Variants in DPP10 observed in about 807,000 individuals in gnomAD.
DPP10 encodes the protein dipeptidyl peptidase like 10.
A neutral mutation model predicts 120.9 loss-of-function variants in DPP10; 33 were observed. The ratio of observed to expected loss-of-function variants is 0.27; its 90% CI spans 0.21 to 0.37. The LOEUF (loss-of-function observed/expected upper bound fraction) is 0.37, where lower values mean the gene tolerates loss of function less well. DPP10 is among the 10% of genes least tolerant of loss of function. DPP10 has a pLI of 1.00. For synonymous variants in DPP10, 337 were observed against 326.1 expected, an observed-to-expected ratio of 1.03 and a Z score of -0.36; for missense variants, 816 against 942.8, an observed-to-expected ratio of 0.87 and a Z score of 1.76.
chr2:115,380,758 A>C (rs1174070322), intron 3 of DPP10, among the ~76,000 whole-genome samples: 1 of 151,738 alleles, frequency 6.6e-6, no homozygotes, highest in East Asian at 1.9e-4. Context: ...GTGGTGACAA[A>C]ATCTCTCAGC....
At chr2:115,838,122 T>A (rs951450341) in intron 24 of DPP10, among the ~76,000 whole-genome samples, 4 of 152,176 alleles carry the variant, frequency 2.6e-5, no homozygotes, top group Non-Finnish European at 4.4e-5. Flanking sequence ...AACTCTGTAC[T>A]ATCTCTGCAA....
intron 5 of DPP10, among the ~76,000 whole-genome samples, chr2:115,545,476 A>C (rs2079443273): frequency 6.6e-6 from 1 of 152,166 alleles, no homozygotes; most frequent in Non-Finnish European, 1.5e-5. Flanking sequence ...ACTGTTATGA[A>C]GATTGGGTCG....
intron 1 of DPP10, among the ~76,000 whole-genome samples, chr2:114,991,037 A>G (rs1700725063): frequency 6.6e-6 from 1 of 152,240 alleles, no homozygotes; most frequent in African/African-American, 2.4e-5. Context: ...CTTAAATAAA[A>G]AAATTAAATA....
At chr2:115,573,584 T>C (rs2081473883) in intron 5 of DPP10, among the ~76,000 whole-genome samples, 4 of 107,392 alleles carry the variant, frequency 3.7e-5, no homozygotes, top group African/African-American at 1.6e-4. Flanking sequence ...GCCCGGCCTT[T>C]TTTTTTTTTT....
rs1030253553 is a variant in DPP10, at chr2:115,334,600, A to G, written c.176-9217A>G. 2.8e-4 allele frequency among the ~76,000 whole-genome samples: 43 copies of G among 152,022 alleles called. 1 individual carries two copies. Among genetic ancestry groups the G allele is most frequent in the Admixed American group, 6.6e-4 (10 of 15,212 alleles). On this transcript the variant is annotated intron_variant, in intron 2 of 25. Coordinates refer to ENST00000410059, the MANE Select transcript of DPP10 (RefSeq NM_020868.6). Reference sequence around the variant, plus strand: ...ATTTTACTATATTTTTCCAATAACTATAAAGAAGCAACTTCATATTGTGTT... The same window carrying G: ...ATTTTACTATATTTTTCCAATAACTGTAAAGAAGCAACTTCATATTGTGTT...
chr2:114,727,552 T>C (rs968614295), intron 1 of DPP10, among the ~76,000 whole-genome samples: 3 of 152,218 alleles, frequency 2.0e-5, no homozygotes, highest in African/African-American at 7.2e-5. Context: ...CCCAAACCAC[T>C]GGCCTCCATT....
At chr2:114,527,120 C>T (rs1478243565) in intron 1 of DPP10, among the ~76,000 whole-genome samples, 1 of 152,140 alleles carries the variant, frequency 6.6e-6, no homozygotes, top group Non-Finnish European at 1.5e-5. Flanking sequence ...TATCATAACT[C>T]TTATCACATA....
intron 21 of DPP10, among the ~76,000 whole-genome samples, chr2:115,823,353 T>C (rs1687997093): frequency 6.6e-6 from 1 of 152,172 alleles, no homozygotes; most frequent in South Asian, 2.1e-4. Context: ...TACAAGCTCA[T>C]AACAGGAATA....
At chr2:115,703,747 T>A (rs1197683840) in intron 7 of DPP10, among the ~76,000 whole-genome samples, 1 of 152,048 alleles carries the variant, frequency 6.6e-6, no homozygotes, top group Non-Finnish European at 1.5e-5. Flanking sequence ...TCTAGACTAG[T>A]GTTTTACCAA....
intron 1 of DPP10, among the ~76,000 whole-genome samples, chr2:115,201,205 G>A (rs914684373): frequency 6.6e-6 from 1 of 152,184 alleles, no homozygotes; most frequent in African/African-American, 2.4e-5. Context: ...GCTCATGCCT[G>A]TAATCCTAGC....
intron 1 of DPP10, among the ~76,000 whole-genome samples, chr2:115,278,810 G>A (rs1281930640): frequency 6.6e-6 from 1 of 152,048 alleles, no homozygotes; most frequent in Non-Finnish European, 1.5e-5. Flanking sequence ...TCCAATATTG[G>A]GGTCAAATTT....
At chr2:115,375,881 G>A (rs2065757094) in intron 3 of DPP10, among the ~76,000 whole-genome samples, 1 of 152,194 alleles carries the variant, frequency 6.6e-6, no homozygotes, top group African/African-American at 2.4e-5. Flanking sequence ...CCATGATCCA[G>A]TCACCTCCCA....
intron 1 of DPP10, among the ~76,000 whole-genome samples, chr2:114,748,366 A>AT (rs67688732): frequency 0.012 from 867 of 73,512 alleles, 16 homozygotes; most frequent in African/African-American, 0.036. Context: ...TTTTTATTTT[A>AT]TTTATTTATT....
Position 115,194,453 on chromosome 2 carries a change from G to C in DPP10, c.61-114786G>C, listed in dbSNP as rs193199270. On this transcript the variant is annotated intron_variant, in intron 1 of 25. Coordinates refer to ENST00000410059, the MANE Select transcript of DPP10 (RefSeq NM_020868.6). The stretch of plus-strand genomic sequence containing the variant: ...TAAGGATTTTTGATAGGAAGGCTAC[G>C]GGTTGCCAGTGGCCTTCGTGCTTTT... Among the ~76,000 whole-genome samples the C allele has an allele frequency of 3.3e-3, 507 of 152,274 alleles. 2 individuals are homozygous for C. The highest frequency in any genetic ancestry group is 5.7e-3 in the Non-Finnish European group (387 of 68,028).
chr2:115,756,550 A>T (rs946852708), intron 11 of DPP10, among the ~76,000 whole-genome samples: 1 of 152,256 alleles, frequency 6.6e-6, no homozygotes, highest in Admixed American at 6.5e-5. Flanking sequence ...ACATCAATTA[A>T]AGATAAAAAT....
At chr2:114,805,803 G>T (rs1056932537) in intron 1 of DPP10, among the ~76,000 whole-genome samples, 3 of 152,070 alleles carry the variant, frequency 2.0e-5, no homozygotes, top group Admixed American at 2.0e-4. Flanking sequence ...ACAATTAAAT[G>T]CTTGACCTGA....
intron 1 of DPP10, among the ~76,000 whole-genome samples, chr2:114,981,882 C>A (rs1292912904): frequency 6.6e-6 from 1 of 151,360 alleles, no homozygotes; most frequent in Admixed American, 6.6e-5. Context: ...CAGTGGTGAG[C>A]CATTGTGTTC....
At position 114,821,159 on chromosome 2, in the gene DPP10, G is replaced by A. The variant is rs145174049; in HGVS notation, c.60+378321G>A. Among the ~76,000 whole-genome samples, 110 of 152,256 alleles carry A rather than the reference G, an allele frequency of 7.2e-4. No individual in the cohort carries two copies. The East Asian group carries it at 0.019, about 26-fold the overall frequency. On this transcript the variant is annotated intron_variant, in intron 1 of 25. Transcript: ENST00000410059. The stretch of plus-strand genomic sequence containing the variant: ...GGTGTCTGATTTGCATAGGGCTCAC[G>A]GGATTGGTTTCACCAGGTATGTCGT...
At chr2:115,457,246 A>G (rs1285278951) in intron 3 of DPP10, among the ~76,000 whole-genome samples, 3 of 152,070 alleles carry the variant, frequency 2.0e-5, no homozygotes, top group Non-Finnish European at 4.4e-5. Context: ...CCCTGATACC[A>G]CAATAGAAAA....
Sources: gnomAD v4.1 joint callset for allele counts (sites outside exome capture counted in the v4.1 genomes callset) on GRCh38, gnomAD v4.1.1 for gene constraint, MANE v1.5 for transcripts, NCBI Gene and HGNC (gene_info 2026-07-23, HGNC 2026-07-21) for gene names.